The following TYW1B variants were observed in gnomAD, a reference collection of about 807,000 sequenced individuals.
TYW1B encodes S-adenosyl-L-methionine-dependent tRNA 4-demethylwyosine synthase TYW1B.
A neutral mutation model predicts 86.9 loss-of-function variants in TYW1B; 73 were observed. The observed-to-expected ratio is 0.84, with a 90% CI of 0.70 to 1.02. The LOEUF (loss-of-function observed/expected upper bound fraction) is 1.02. Ranked by LOEUF, TYW1B falls within the 50% of genes least tolerant of loss-of-function variation. The pLI is 0.00. For synonymous variants in TYW1B, 248 were observed against 292.8 expected (o/e 0.85, Z 1.56); for missense variants, 637 against 827.4 (o/e 0.77, Z 2.82).
rs1235996590 is a variant in TYW1B, at chr7:72,807,060, G to A, written c.723+6C>T. On this transcript the variant is annotated splice_donor_region_variant and intron_variant, in intron 5 of 13. Transcript: ENST00000620995. ...GCATCAAGAGATGAACACACAGGCGGTATACCTTGGTGTCTCTGTGATGCA... is the reference window on the plus strand; with the variant it reads ...GCATCAAGAGATGAACACACAGGCGATATACCTTGGTGTCTCTGTGATGCA... The A allele has an allele frequency of 1.2e-6, 2 of 1,612,438 alleles. No individual in the cohort carries two copies. The highest frequency in any genetic ancestry group is 1.1e-5 in the South Asian group (1 of 90,960).
intron 4 of TYW1B, among the ~76,000 whole-genome samples, chr7:72,810,139 G>A (rs144455586): frequency 1.3e-5 from 2 of 150,288 alleles, no homozygotes; most frequent in Non-Finnish European, 1.5e-5. Context: ...TTGGCCAAGC[G>A]TGGTGGCACA....
At chr7:72,634,023 G>T (rs1295498074) in intron 11 of TYW1B, among the ~76,000 whole-genome samples, 1 of 152,136 alleles carries the variant, frequency 6.6e-6, no homozygotes, top group Non-Finnish European at 1.5e-5. Context: ...CCAGTAGAGT[G>T]CATGGTACTT....
chr7:72,801,096 AGGCG>A (rs1261373280), intron 6 of TYW1B, among the ~76,000 whole-genome samples: 3 of 152,182 alleles, frequency 2.0e-5, no homozygotes, highest in African/African-American at 7.2e-5. Context: ...CAGGAGGCCA[AGGCG>A]GGCAGATCAC....
At chr7:72,816,489 A>G (rs1554479453) in intron 2 of TYW1B, among the ~76,000 whole-genome samples, 1 of 152,246 alleles carries the variant, frequency 6.6e-6, no homozygotes. Flanking sequence ...CAGGGCTGTC[A>G]GAACCCCAGA....
intron 13 of TYW1B, among the ~76,000 whole-genome samples, chr7:72,586,539 C>A (rs1472146338): frequency 5.9e-5 from 9 of 152,058 alleles, no homozygotes; most frequent in Admixed American, 1.3e-4. Flanking sequence ...GAGTTTGAGA[C>A]CAGCCTGGCC....
At chr7:72,753,296 AC>A in intron 7 of TYW1B, among the ~76,000 whole-genome samples, 1 of 152,220 alleles carries the variant, frequency 6.6e-6, no homozygotes, top group South Asian at 2.1e-4. Context: ...TTAATGGTTG[AC>A]AGAAAACTAG....
At chr7:72,780,526 C>T (rs1788033334) in intron 6 of TYW1B, among the ~76,000 whole-genome samples, 1 of 152,192 alleles carries the variant, frequency 6.6e-6, no homozygotes, top group Admixed American at 6.6e-5. Flanking sequence ...CCTCTGACCA[C>T]TATGCCCAAA....
At chr7:72,617,201 C>A (rs531679432) in intron 12 of TYW1B, among the ~76,000 whole-genome samples, 1 of 152,262 alleles carries the variant, frequency 6.6e-6, no homozygotes, top group East Asian at 1.9e-4. Flanking sequence ...GGGGTTATCA[C>A]CCCTTAGGAC....
chr7:72,620,589 C>T (rs188276276), intron 12 of TYW1B, among the ~76,000 whole-genome samples: 2,471 of 152,186 alleles, frequency 0.016, 22 homozygotes, highest in Non-Finnish European at 0.028. Flanking sequence ...AGCCCAATGG[C>T]TCTGTCTGGT....
intron 7 of TYW1B, among the ~76,000 whole-genome samples, chr7:72,759,910 A>G (rs1436187355): frequency 6.6e-6 from 1 of 152,204 alleles, no homozygotes; most frequent in Middle Eastern, 3.2e-3. Context: ...TAAAAGAAAA[A>G]GAACTAGATA....
At chr7:72,608,651 T>C (rs1221740146) in intron 13 of TYW1B, among the ~76,000 whole-genome samples, 3 of 152,072 alleles carry the variant, frequency 2.0e-5, no homozygotes, top group East Asian at 3.8e-4. Flanking sequence ...ACTTCGAATA[T>C]AATGATACAC....
chr7:72,713,447 T>A (rs1382079571), intron 10 of TYW1B, among the ~76,000 whole-genome samples, 174 bp downstream of exon 10: 2 of 152,156 alleles, frequency 1.3e-5, no homozygotes, highest in African/African-American at 4.8e-5. Flanking sequence ...CTAATGTTGT[T>A]GTGCCTAATA....
chr7:72,716,730 C>T (rs2129570781), intron 9 of TYW1B, among the ~76,000 whole-genome samples: 1 of 151,932 alleles, frequency 6.6e-6, no homozygotes, highest in African/African-American at 2.4e-5. Context: ...CCTCCGCCTC[C>T]CGGGTTCAAG....
intron 13 of TYW1B, among the ~76,000 whole-genome samples, chr7:72,603,319 AGAT>A (rs1167611445): frequency 6.8e-6 from 1 of 146,374 alleles, no homozygotes; most frequent in Admixed American, 6.9e-5. Context: ...ATGGACAGAT[AGAT>A]GATGGATGGA....
intron 6 of TYW1B, among the ~76,000 whole-genome samples, chr7:72,780,759 C>G (rs1292843279): frequency 6.6e-6 from 1 of 152,190 alleles, no homozygotes; most frequent in Non-Finnish European, 1.5e-5. Flanking sequence ...CCCTCTAAGG[C>G]AGCTCACTCC....
intron 11 of TYW1B, 58 bp from the exon 12 acceptor site, chr7:72,629,055 T>C: frequency 6.6e-7 from 1 of 1,506,340 alleles, no homozygotes. Flanking sequence ...CCTCTTAACC[T>C]AGAGGGTTTC....
intron 11 of TYW1B, among the ~76,000 whole-genome samples, chr7:72,659,000 C>A (rs1227871280): frequency 6.6e-6 from 1 of 152,192 alleles, no homozygotes; most frequent in Non-Finnish European, 1.5e-5. Context: ...GGATTACAGG[C>A]ATGAGCCACC....
intron 3 of TYW1B, among the ~76,000 whole-genome samples, chr7:72,814,351 G>A (rs1356825708): frequency 1.3e-5 from 2 of 151,758 alleles, no homozygotes; most frequent in Non-Finnish European, 2.9e-5. Flanking sequence ...TTGGGAGGCC[G>A]AGGCGGGCGG....
At chr7:72,594,893 C>A (rs184297295) in intron 13 of TYW1B, among the ~76,000 whole-genome samples, 16 of 152,280 alleles carry the variant, frequency 1.1e-4, no homozygotes, top group Admixed American at 2.6e-4. Context: ...ACATGATCAT[C>A]TCAATTAATG....
Sources: allele counts gnomAD v4.1 joint callset (sites outside exome capture counted in the v4.1 genomes callset), GRCh38; gene constraint gnomAD v4.1.1; transcripts MANE v1.5; gene names NCBI Gene and HGNC (gene_info 2026-07-23, HGNC 2026-07-21).